MAML2: variants seen among roughly 807,000 people sequenced by gnomAD.
MAML2 encodes the protein mastermind-like protein 2.
Under a neutral mutation model 96.1 loss-of-function variants are expected in MAML2, and 22 were observed. The observed-to-expected ratio is 0.23, with a 90% CI of 0.16 to 0.33. MAML2 has a LOEUF of 0.33. MAML2 is among the 10% of genes least tolerant of loss of function. MAML2 has a pLI of 1.00. For missense variants in MAML2, 1,367 were observed against 1,392.4 expected, an observed-to-expected ratio of 0.98 and a Z score of 0.29; for synonymous variants, 561 against 521.3, an observed-to-expected ratio of 1.08 and a Z score of -1.04.
At chr11:96,002,023 ATT>A (rs950216095) in intron 2 of MAML2, among the ~76,000 whole-genome samples, 2 of 151,734 alleles carry the variant, frequency 1.3e-5, no homozygotes, top group Non-Finnish European at 2.9e-5. Context: ...CTCAGATGTA[ATT>A]TTTTTTCAGG....
intron 1 of MAML2, among the ~76,000 whole-genome samples, chr11:96,321,101 G>A (rs1306415775): frequency 2.0e-5 from 3 of 152,214 alleles, no homozygotes; most frequent in Admixed American, 2.0e-4. Context: ...TACTTCCACA[G>A]CATATGGCTG....
At chr11:96,142,524 C>G (rs1228018156) in intron 1 of MAML2, among the ~76,000 whole-genome samples, 1 of 152,210 alleles carries the variant, frequency 6.6e-6, no homozygotes, top group African/African-American at 2.4e-5. Context: ...CCCTCAGGTT[C>G]CAGTACGATG....
At chr11:96,085,172 G>A (rs1296397709) in intron 2 of MAML2, among the ~76,000 whole-genome samples, 1 of 151,740 alleles carries the variant, frequency 6.6e-6, no homozygotes, top group East Asian at 1.9e-4. Flanking sequence ...ATGCGTATGT[G>A]TGTGTGTGTG....
intron 1 of MAML2, among the ~76,000 whole-genome samples, chr11:96,287,913 C>A (rs898220800): frequency 2.0e-5 from 3 of 152,192 alleles, no homozygotes; most frequent in African/African-American, 7.2e-5. Flanking sequence ...TCAGCTGAAT[C>A]ATTAAATACA....
In MAML2 at chr11:96,327,993, G is replaced by A. The variant is rs554101010; in HGVS notation, c.513+13390C>T. 2.4e-4 allele frequency among the ~76,000 whole-genome samples: 37 copies of A among 152,138 alleles called. No individual in the cohort carries two copies. In the East Asian group the frequency reaches 3.3e-3, roughly 14 times the overall value. On this transcript the variant is annotated intron_variant, in intron 1 of 4. Transcript: ENST00000524717. The stretch of plus-strand genomic sequence containing the variant: ...CACCTGTGGTCCCAGCTACTCGGGA[G>A]GCTAAGGCAGGAGAATCACTTCAAC...
At chr11:96,328,584 G>A (rs185787703) in intron 1 of MAML2, among the ~76,000 whole-genome samples, 1 of 152,280 alleles carries the variant, frequency 6.6e-6, no homozygotes, top group African/African-American at 2.4e-5. Flanking sequence ...GAAGTGACTG[G>A]AAGAGCTGTG....
At chr11:96,125,864 C>T (rs1005689476) in intron 1 of MAML2, among the ~76,000 whole-genome samples, 1 of 152,130 alleles carries the variant, frequency 6.6e-6, no homozygotes, top group African/African-American at 2.4e-5. Flanking sequence ...GGGATCAAAG[C>T]GTTCTTTATG....
intron 2 of MAML2, among the ~76,000 whole-genome samples, chr11:96,077,219 C>CTCTCTTT (rs1555005491): frequency 1.1e-5 from 1 of 94,122 alleles, no homozygotes; most frequent in African/African-American, 4.4e-5. Flanking sequence ...CTCTCTCTCT[C>CTCTCTTT]TTTTTTTTTT....
At chr11:95,990,088 A>G (rs1290558131) in intron 3 of MAML2, among the ~76,000 whole-genome samples, 1 of 152,186 alleles carries the variant, frequency 6.6e-6, no homozygotes, top group African/African-American at 2.4e-5. Flanking sequence ...TTGGGAGACT[A>G]TCCTCAATCT....
chr11:95,987,949 C>T (rs73519275), intron 3 of MAML2, among the ~76,000 whole-genome samples: 20,542 of 152,070 alleles, frequency 0.14, 1,705 homozygotes, highest in African/African-American at 0.24. Flanking sequence ...GTTCCATGAA[C>T]CCAAATGTGG....
chr11:96,242,850 G>C (rs970916395), intron 1 of MAML2, among the ~76,000 whole-genome samples: 2 of 152,182 alleles, frequency 1.3e-5, no homozygotes, highest in African/African-American at 4.8e-5. Flanking sequence ...ACACTTGCCT[G>C]TTCTGGTTGC....
chr11:96,145,998 G>T (rs1283422175), intron 1 of MAML2, among the ~76,000 whole-genome samples: 1 of 151,944 alleles, frequency 6.6e-6, no homozygotes, highest in African/African-American at 2.4e-5. Context: ...GACAGAGCAA[G>T]ACTCCGTCTC....
intron 1 of MAML2, among the ~76,000 whole-genome samples, chr11:96,208,643 T>C (rs1023368791): frequency 1.3e-5 from 2 of 152,166 alleles, no homozygotes; most frequent in Non-Finnish European, 2.9e-5. Context: ...ATTCTGGTAA[T>C]ATGACAAAAT....
At chr11:96,060,949 T>C (rs1446278905) in intron 2 of MAML2, among the ~76,000 whole-genome samples, 3 of 152,204 alleles carry the variant, frequency 2.0e-5, no homozygotes, top group African/African-American at 4.8e-5. Flanking sequence ...AAAGAGAGAC[T>C]GAGAACTCAA....
chr11:96,193,486 G>A (rs970594753), intron 1 of MAML2, among the ~76,000 whole-genome samples: 9 of 152,170 alleles, frequency 5.9e-5, no homozygotes, highest in Non-Finnish European at 5.9e-5. Context: ...AGAACACTAC[G>A]TTAAAGATAT....
chr11:96,056,589 A>G (rs1315891776), intron 2 of MAML2, among the ~76,000 whole-genome samples: 9 of 152,214 alleles, frequency 5.9e-5, no homozygotes, highest in Non-Finnish European at 1.2e-4. Flanking sequence ...TAATATACAC[A>G]ATAGATTCTT....
Position 96,224,332 on chromosome 11 carries a change from G to A in MAML2, c.513+117051C>T, listed in dbSNP as rs61598315. On this transcript the variant is annotated intron_variant, in intron 1 of 4. Coordinates refer to ENST00000524717, the MANE Select transcript of MAML2 (RefSeq NM_032427.4). The stretch of plus-strand genomic sequence containing the variant: ...CTGATAACTCTCCACTGCCCAAGGT[G>A]TGCCTTGTTACCGTATTCAAGGGGC... Among the ~76,000 whole-genome samples, 1,262 of 152,202 alleles carry A rather than the reference G, an allele frequency of 8.3e-3. 9 individuals carry two copies. Among genetic ancestry groups the A allele is most frequent in the East Asian group, 0.022 (112 of 5,184 alleles).
chr11:96,038,644 C>T (rs1328572152), intron 2 of MAML2, among the ~76,000 whole-genome samples: 3 of 152,190 alleles, frequency 2.0e-5, no homozygotes, highest in Non-Finnish European at 4.4e-5. Flanking sequence ...GAATGCTCCT[C>T]CTCATGGTCC....
Position 96,111,617 on chromosome 11 carries a change from G to A in MAML2, c.514-18100C>T, listed in dbSNP as rs148258633. ...TTATTGGTGGAACACATTAAAAGAT[G>A]TGAATGTGAGGTTTTTAAGTAAGAT... On this transcript the variant is annotated intron_variant, in intron 1 of 4. Transcript: ENST00000524717. 9.5e-4 allele frequency among the ~76,000 whole-genome samples: 145 copies of A among 152,346 alleles called. 2 individuals carry two copies. Among genetic ancestry groups the A allele is most frequent in the Middle Eastern group, 6.8e-3 (2 of 294 alleles).
Sources: gnomAD v4.1 joint callset for allele counts (sites outside exome capture counted in the v4.1 genomes callset) on GRCh38, gnomAD v4.1.1 for gene constraint, MANE v1.5 for transcripts, NCBI Gene and HGNC (gene_info 2026-07-23, HGNC 2026-07-21) for gene names.